ANXA8: variants seen among roughly 807,000 people sequenced by gnomAD.
The protein encoded by ANXA8 is VAC-beta.
ANXA8 carries 9 observed loss-of-function variants against 26.8 expected under a neutral mutation model. The observed-to-expected ratio is 0.34, with a 90% CI of 0.20 to 0.59. ANXA8 has a LOEUF of 0.59. Among genes scored for constraint, ANXA8 ranks in the 20% least tolerant of loss-of-function variants. The pLI, the probability that ANXA8 is intolerant of heterozygous loss-of-function variation, is 0.84. For missense variants in ANXA8, 83 were observed against 238.5 expected, an observed-to-expected ratio of 0.35 and a Z score of 4.29; for synonymous variants, 39 against 94.8, an observed-to-expected ratio of 0.41 and a Z score of 3.42.
chr10:47,624,180 T>C, the ANXA8 span, among the ~76,000 whole-genome samples: 2 of 93,812 alleles, frequency 2.1e-5, 1 homozygote, highest in South Asian at 7.3e-4. Context: ...AGGCAGAGCT[T>C]GCAGTGAGCC....
At chr10:47,743,327 T>TATATATATACACATATATATAC in the ANXA8 span, among the ~76,000 whole-genome samples, 1 of 40,334 alleles carries the variant, frequency 2.5e-5, no homozygotes, top group Non-Finnish European at 5.6e-5. Flanking sequence ...TATATATATA[T>TATATATATACACATATATATAC]ACATATATAT....
At chr10:47,771,728 C>T in the ANXA8 span, among the ~76,000 whole-genome samples, 1 of 148,746 alleles carries the variant, frequency 6.7e-6, no homozygotes, top group Admixed American at 6.7e-5. Flanking sequence ...CAGGTGCCCA[C>T]CACCATGCCT....
At chr10:47,736,243 AAAAAC>A in the ANXA8 span, among the ~76,000 whole-genome samples, 1 of 22,256 alleles carries the variant, frequency 4.5e-5, no homozygotes. Flanking sequence ...CTGTCTCTGA[AAAAAC>A]AAAACAAAAC....
At chr10:47,907,372 A>C in the ANXA8 span, among the ~76,000 whole-genome samples, 2 of 151,228 alleles carry the variant, frequency 1.3e-5, no homozygotes, top group African/African-American at 4.9e-5. Context: ...AAAGAAAAAA[A>C]AGAAATTAAG....
chr10:47,691,757 G>C, the ANXA8 span, among the ~76,000 whole-genome samples: 2 of 148,670 alleles, frequency 1.3e-5, no homozygotes, highest in Non-Finnish European at 2.9e-5. Context: ...AGACCTTTCT[G>C]CTTCTTTACC....
At chr10:47,777,714 C>G in the ANXA8 span, among the ~76,000 whole-genome samples, 1 of 152,150 alleles carries the variant, frequency 6.6e-6, no homozygotes, top group African/African-American at 2.4e-5. Flanking sequence ...TGGTGGTCCC[C>G]TCTTTGTCCA....
At chr10:47,557,338 A>G in the ANXA8 span, among the ~76,000 whole-genome samples, 36 of 151,406 alleles carry the variant, frequency 2.4e-4, 2 homozygotes, top group Admixed American at 7.2e-4. Flanking sequence ...TAGCTCCTAT[A>G]TGCAGTGCTC....
chr10:47,493,558 C>A, the ANXA8 span, among the ~76,000 whole-genome samples: 10 of 150,008 alleles, frequency 6.7e-5, no homozygotes, highest in Non-Finnish European at 1.2e-4. Context: ...CTTCCAGACC[C>A]CACAGACCCC....
At chr10:47,488,508 G>A (rs1196121691), upstream of ANXA8, among the ~76,000 whole-genome samples, 219 of 151,134 alleles carry the variant, frequency 1.4e-3, 4 homozygotes, top group African/African-American at 4.9e-3. Context: ...ACTGCACCTG[G>A]CCTATGGTAT....
At chr10:47,625,673 C>T in the ANXA8 span, among the ~76,000 whole-genome samples, 35 of 152,078 alleles carry the variant, frequency 2.3e-4, no homozygotes, top group African/African-American at 8.2e-4. Context: ...TACATGAGCC[C>T]GAATTTGGGC....
the ANXA8 span, among the ~76,000 whole-genome samples, chr10:47,560,387 T>C: frequency 1.3e-5 from 2 of 151,844 alleles, no homozygotes; most frequent in Non-Finnish European, 2.9e-5. Context: ...AAGTGATTTA[T>C]GTGTGGGAGA....
chr10:47,505,494 T>C, the ANXA8 span, among the ~76,000 whole-genome samples: 1 of 139,750 alleles, frequency 7.2e-6, no homozygotes, highest in Non-Finnish European at 1.5e-5. Flanking sequence ...AGAAGTGCTT[T>C]TTTTTTGTTT....
At chr10:47,980,320 A>G in the ANXA8 span, among the ~76,000 whole-genome samples, 5 of 151,726 alleles carry the variant, frequency 3.3e-5, no homozygotes. Flanking sequence ...TATATTAAAA[A>G]GAAGAAAGAT....
chr10:47,658,829 TGAGG>T, the ANXA8 span, among the ~76,000 whole-genome samples: 1 of 139,884 alleles, frequency 7.1e-6, no homozygotes, highest in Admixed American at 7.0e-5. Flanking sequence ...AGTGAAGTGT[TGAGG>T]TTTTTATTTA....
chr10:47,737,411 CTA>C, the ANXA8 span, among the ~76,000 whole-genome samples: 3 of 150,062 alleles, frequency 2.0e-5, no homozygotes, highest in Non-Finnish European at 3.0e-5. Context: ...TGTCCCAACA[CTA>C]TTGATTTCTT....
the ANXA8 span, among the ~76,000 whole-genome samples, chr10:47,609,369 G>A: frequency 7.3e-6 from 1 of 136,470 alleles, no homozygotes; most frequent in African/African-American, 3.1e-5. Context: ...AGGCAAGAAA[G>A]AGCTCACGAT....
chr10:47,655,440 T>C, the ANXA8 span, among the ~76,000 whole-genome samples: 1 of 151,918 alleles, frequency 6.6e-6, no homozygotes, highest in African/African-American at 2.4e-5. Flanking sequence ...CTGGGTTTTA[T>C]GTGTCAGTGT....
chr10:47,988,799 C>A, the ANXA8 span, among the ~76,000 whole-genome samples: 1 of 151,784 alleles, frequency 6.6e-6, no homozygotes, highest in African/African-American at 2.4e-5. Flanking sequence ...TCGCTGGCTA[C>A]TAGGCTCTCC....
At chr10:47,521,795 T>G in the ANXA8 span, among the ~76,000 whole-genome samples, 2 of 151,482 alleles carry the variant, frequency 1.3e-5, no homozygotes, top group African/African-American at 4.9e-5. Context: ...CCTTTTTTTT[T>G]TGTGAGACGG....
Sources: allele counts gnomAD v4.1 joint callset (sites outside exome capture counted in the v4.1 genomes callset), GRCh38; gene constraint gnomAD v4.1.1; transcripts MANE v1.5; gene names NCBI Gene and HGNC (gene_info 2026-07-23, HGNC 2026-07-21).